The following GRM8 variants were observed in gnomAD, a reference collection of about 807,000 sequenced individuals.
The protein encoded by GRM8 is glutamate metabotropic receptor 8, also known as metabotropic glutamate receptor 8.
In GRM8, 47 loss-of-function variants were observed where a neutral mutation model predicts 87.2. That is an observed-to-expected ratio of 0.54 (90% confidence interval 0.43 to 0.69). The LOEUF is 0.69. GRM8 is among the 30% of genes least tolerant of loss of function. The pLI is 0.00. For synonymous variants in GRM8, 396 were observed against 404.5 expected (o/e 0.98, Z 0.25); for missense variants, 1,019 against 1,139.2 (o/e 0.89, Z 1.52).
chr7:126,788,420 A>AACAAAAAAAAAAAC lies in GRM8; in HGVS notation c.1157-18356_1157-18355insGTTTTTTTTTTTGT, dbSNP rs1554492201. Reference sequence around the variant, plus strand: ...GCAAGACTCCATCTCAAAAAAAAAAAAAACCCTTTCAGATATCTTTAACAT... The same window carrying AACAAAAAAAAAAAC: ...GCAAGACTCCATCTCAAAAAAAAAAAACAAAAAAAAAAACAAACCCTTTCAGATATCTTTAACAT... On this transcript the variant is annotated intron_variant, in intron 6 of 10. Transcript: ENST00000339582. 9.9e-5 allele frequency among the ~76,000 whole-genome samples: 8 copies of AACAAAAAAAAAAAC among 81,138 alleles called. No individual in the cohort carries two copies. The Admixed American group carries it at 1.2e-3, about 12-fold the overall frequency. The allele number at this position is 81,138 out of a possible 152,430, so 53.2% of individuals were successfully genotyped here. A position where few individuals can be genotyped will look rare whatever the true frequency, so the allele number is the denominator to read the frequency against.
At chr7:127,093,132 A>G (rs1824316257) in intron 3 of GRM8, among the ~76,000 whole-genome samples, 1 of 152,184 alleles carries the variant, frequency 6.6e-6, no homozygotes. Flanking sequence ...CTACCTTTTC[A>G]TGGACTCTCT....
At chr7:126,991,203 CAT>C (rs1361027475) in intron 3 of GRM8, among the ~76,000 whole-genome samples, 3 of 152,086 alleles carry the variant, frequency 2.0e-5, no homozygotes, top group Non-Finnish European at 4.4e-5. Flanking sequence ...AAACCTGAGA[CAT>C]GTGAATCTTT....
chr7:126,618,272 G>A (rs1448212414), intron 7 of GRM8, among the ~76,000 whole-genome samples: 2 of 152,078 alleles, frequency 1.3e-5, no homozygotes, highest in Non-Finnish European at 2.9e-5. Flanking sequence ...AACAAGAAAT[G>A]GGGAAAGGAT....
At chr7:126,822,513 C>T (rs1379838748) in intron 6 of GRM8, among the ~76,000 whole-genome samples, 1 of 142,216 alleles carries the variant, frequency 7.0e-6, no homozygotes, top group Non-Finnish European at 1.6e-5. Flanking sequence ...TCTCTCCTTC[C>T]TTCCCTTCCC....
chr7:126,460,070 G>A (rs944248658), intron 9 of GRM8, among the ~76,000 whole-genome samples: 1 of 151,528 alleles, frequency 6.6e-6, no homozygotes, highest in Non-Finnish European at 1.5e-5. Context: ...TAGGACTGGA[G>A]CCTCCAGAAG....
intron 8 of GRM8, among the ~76,000 whole-genome samples, chr7:126,575,416 T>C (rs931274595): frequency 1.3e-5 from 2 of 151,974 alleles, no homozygotes; most frequent in African/African-American, 2.4e-5. Flanking sequence ...TATTACAATG[T>C]ATTATAATAA....
In GRM8 at chr7:126,865,679, T is replaced by A. The variant is rs183404435; in HGVS notation, c.1156+36863A>T. Among the ~76,000 whole-genome samples the A allele has an allele frequency of 5.3e-5, 8 of 152,354 alleles. No individual in the cohort carries two copies. The East Asian group carries it at 1.5e-3, about 29-fold the overall frequency. On this transcript the variant is annotated intron_variant, in intron 6 of 10. Coordinates refer to ENST00000339582, the MANE Select transcript of GRM8 (RefSeq NM_000845.3). ...TGGATATTCCATATAAATGGACTCATAACAGGTGGTCCTTTGTGACTTGTT... is the reference window on the plus strand; with the variant it reads ...TGGATATTCCATATAAATGGACTCAAAACAGGTGGTCCTTTGTGACTTGTT...
At chr7:127,147,424 C>T (rs895905890) in intron 2 of GRM8, among the ~76,000 whole-genome samples, 4 of 152,036 alleles carry the variant, frequency 2.6e-5, no homozygotes, top group Admixed American at 6.6e-5. Flanking sequence ...TAAACCCTTT[C>T]GTAATGCTCT....
chr7:126,849,177 G>C (rs1404560369), intron 6 of GRM8, among the ~76,000 whole-genome samples: 1 of 151,942 alleles, frequency 6.6e-6, no homozygotes, highest in Non-Finnish European at 1.5e-5. Context: ...ATATCACCCT[G>C]TCTCAAAAGA....
rs561621374 is a variant in GRM8, at chr7:127,161,634, G to A, written c.511-54922C>T. Among the ~76,000 whole-genome samples, 91 of 133,150 alleles carry A rather than the reference G, an allele frequency of 6.8e-4. 1 individual carries two copies. Among genetic ancestry groups the A allele is most frequent in the Admixed American group, 6.7e-3 (91 of 13,628 alleles). 87.4% of individuals were successfully genotyped at this position (133,150 alleles called of 152,430 possible). ...AAGACTTATTCCAAACATGAACGAT[G>A]ATATCTGAAAGAAAATATACCTTCT... On this transcript the variant is annotated intron_variant, in intron 2 of 10. Transcript: ENST00000339582.
At chr7:126,473,897 G>A (rs1805594225) in intron 9 of GRM8, among the ~76,000 whole-genome samples, 1 of 152,058 alleles carries the variant, frequency 6.6e-6, no homozygotes, top group Non-Finnish European at 1.5e-5. Context: ...AAGGTAAGAT[G>A]TGCCTTTGCT....
chr7:126,506,677 G>A (rs1269419093), intron 9 of GRM8, among the ~76,000 whole-genome samples: 2 of 151,726 alleles, frequency 1.3e-5, no homozygotes, highest in East Asian at 2.0e-4. Context: ...TACTTGAGAG[G>A]CTGAAGCACG....
chr7:127,164,189 C>T (rs1793299030), intron 2 of GRM8, among the ~76,000 whole-genome samples: 1 of 152,082 alleles, frequency 6.6e-6, no homozygotes, highest in Admixed American at 6.5e-5. Context: ...TGCCTGCTCC[C>T]CCTTTGCCTT....
At chr7:126,874,794 A>C (rs1324835877) in intron 6 of GRM8, among the ~76,000 whole-genome samples, 1 of 152,162 alleles carries the variant, frequency 6.6e-6, no homozygotes, top group African/African-American at 2.4e-5. Flanking sequence ...TTACATAAAC[A>C]TGGAAGTACA....
intron 9 of GRM8, among the ~76,000 whole-genome samples, chr7:126,467,172 G>T (rs1804598816): frequency 6.7e-6 from 1 of 149,974 alleles, no homozygotes; most frequent in African/African-American, 2.5e-5. Context: ...AGGCTTCAGT[G>T]TGTGATGTTC....
At chr7:126,830,050 T>C (rs1403294457) in intron 6 of GRM8, among the ~76,000 whole-genome samples, 3 of 152,236 alleles carry the variant, frequency 2.0e-5, no homozygotes, top group Non-Finnish European at 1.5e-5. Context: ...TTCTGGCTTG[T>C]AGAGTTTCTG....
intron 6 of GRM8, among the ~76,000 whole-genome samples, chr7:126,812,279 G>A (rs188561784): frequency 8.3e-4 from 126 of 152,086 alleles, no homozygotes; most frequent in African/African-American, 2.9e-3. Context: ...GATACTTTAT[G>A]AGAAATGCAT....
chr7:127,009,589 C>T (rs900834545), intron 3 of GRM8, among the ~76,000 whole-genome samples: 6 of 152,212 alleles, frequency 3.9e-5, no homozygotes, highest in African/African-American at 1.4e-4. Context: ...TCACTCTAAC[C>T]TATGTTCTTA....
chr7:127,067,087 C>A (rs777513480), intron 3 of GRM8, among the ~76,000 whole-genome samples: 1 of 152,182 alleles, frequency 6.6e-6, no homozygotes, highest in Non-Finnish European at 1.5e-5. Context: ...CAAATGCCAA[C>A]GGGCTTTCTA....
Sources: allele counts gnomAD v4.1 joint callset (sites outside exome capture counted in the v4.1 genomes callset), GRCh38; gene constraint gnomAD v4.1.1; transcripts MANE v1.5; gene names NCBI Gene and HGNC (gene_info 2026-07-23, HGNC 2026-07-21).